The following AKT2 variants were observed in gnomAD, a reference collection of about 807,000 sequenced individuals.
AKT2 encodes the protein RAC-beta serine/threonine-protein kinase.
A neutral mutation model predicts 58.6 loss-of-function variants in AKT2; 16 were observed. The ratio of observed to expected loss-of-function variants is 0.27; its 90% CI spans 0.18 to 0.41. The LOEUF (loss-of-function observed/expected upper bound fraction) is 0.41. Ranked by LOEUF, AKT2 falls within the 10% of genes least tolerant of loss-of-function variation. The pLI is 1.00. For missense variants in AKT2, 438 were observed against 661.0 expected (o/e 0.66, Z 3.70); for synonymous variants, 253 against 254.0 (o/e 1.00, Z 0.04).
At chr19:40,255,032 C>G (rs189288812) in intron 4 of AKT2, 126 bp downstream of exon 4, 1 of 749,942 alleles carries the variant, frequency 1.3e-6, no homozygotes, top group Non-Finnish European at 2.4e-6. Context: ...GAGAGACCCC[C>G]CAACCAGAAG....
chr19:40,235,874 C>A lies in AKT2; in HGVS notation c.1175+16G>T. The stretch of plus-strand genomic sequence containing the variant: ...CAGCTGGCGCTGGGCTGGGTGGGGC[C>A]GACGCCAGCCCTCACCTCTGCTTGG... On this transcript the variant is annotated intron_variant, in intron 11 of 13. Transcript: ENST00000392038. This position sits in a 1 kb window ranked among gnomAD's most constrained non-coding sequence, Gnocchi z 6.3. 6.3e-7 allele frequency: 1 copy of A among 1,596,918 alleles called. No individual in the cohort carries two copies.
Position 40,274,746 on chromosome 19 carries a change from G to A in AKT2, c.-84-9395C>T, listed in dbSNP as rs980545217. The stretch of plus-strand genomic sequence containing the variant: ...GGAGGAGCAGGGCTGAGGCGCGTTC[G>A]AGGCGCCTACAGGAGTGGGTGAAGG... On this transcript the variant is annotated intron_variant, in intron 1 of 13. Coordinates refer to ENST00000392038, the MANE Select transcript of AKT2 (RefSeq NM_001626.6). The A allele has an allele frequency of 3.6e-5, 11 of 302,818 alleles. No homozygotes were observed. In the East Asian group the frequency reaches 7.1e-4, roughly 20 times the overall value. The allele number at this position is 302,818 out of a possible 1,614,324, so 18.8% of individuals were successfully genotyped here.
chr19:40,264,863 G>A (rs1264984440), intron 2 of AKT2, among the ~76,000 whole-genome samples: 1 of 152,200 alleles, frequency 6.6e-6, no homozygotes, highest in Non-Finnish European at 1.5e-5. Flanking sequence ...GTGTCTCGGA[G>A]CCCGGGGCTA....
At chr19:40,282,584 AGGTAGAG>A in intron 1 of AKT2, 1 of 531,120 alleles carries the variant, frequency 1.9e-6, no homozygotes, top group Non-Finnish European at 3.9e-6. Flanking sequence ...TCACCTCTAT[AGGTAGAG>A]GACAGAGGAC....
At position 40,234,004 on chromosome 19, in the gene AKT2, A is replaced by G. The variant is rs1183294054; in HGVS notation, c.1367-53T>C. 3.2e-6 allele frequency: 5 copies of G among 1,558,954 alleles called. No homozygotes were observed. The highest frequency in any genetic ancestry group is 4.4e-6 in the Non-Finnish European group (5 of 1,144,378). ...GACCAGTCAGGAGAGGGCCTGGGACACCTGCCCAGACTCCCTGGGGAAACG... is the reference window on the plus strand; with the variant it reads ...GACCAGTCAGGAGAGGGCCTGGGACGCCTGCCCAGACTCCCTGGGGAAACG... On this transcript the variant is annotated intron_variant, in intron 13 of 13. Transcript: ENST00000392038. The surrounding 1 kb of genome is among the most constrained non-coding windows in gnomAD (Gnocchi z 4.7).
In AKT2 at chr19:40,270,152, C is replaced by A. The variant is rs373345283; in HGVS notation, c.-84-4801G>T. ...CTTTCTTGAGAAGCCTTCCTAACCT[C>A]CCTAGGCAAAGCATGCCCACCCTAC... On this transcript the variant is annotated intron_variant, in intron 1 of 13. Coordinates refer to ENST00000392038, the MANE Select transcript of AKT2 (RefSeq NM_001626.6). Among the ~76,000 whole-genome samples, 8 of 152,334 alleles carry A rather than the reference C, an allele frequency of 5.3e-5. 1 individual carries two copies. Among genetic ancestry groups the A allele is most frequent in the African/African-American group, 1.9e-4 (8 of 41,572 alleles).
Position 40,281,521 on chromosome 19 carries a change from T to A in AKT2, c.-85+3660A>T, listed in dbSNP as rs145126168. ...GAAAAAAAAAAACAAGCACAGAGCC[T>A]GACCTCTGAAAAGACTCCAGTGTGT... is the stretch of plus-strand genomic sequence containing the variant. On this transcript the variant is annotated intron_variant, in intron 1 of 13. Transcript: ENST00000392038. Among the ~76,000 whole-genome samples the A allele has an allele frequency of 1.9e-3, 289 of 151,486 alleles. 2 individuals are homozygous for A. The highest frequency in any genetic ancestry group is 3.1e-3 in the Non-Finnish European group (212 of 67,878).
intron 7 of AKT2, 194 bp downstream of exon 7, chr19:40,239,851 C>T (rs760739218): frequency 6.1e-5 from 44 of 717,884 alleles, no homozygotes; most frequent in Non-Finnish European, 6.8e-5. Context: ...GAAGCTGTCA[C>T]CCTCCCACTC....
At chr19:40,247,065 T>C (rs1015175226) in intron 4 of AKT2, among the ~76,000 whole-genome samples, 2 of 152,180 alleles carry the variant, frequency 1.3e-5, no homozygotes, top group Admixed American at 1.3e-4. Flanking sequence ...TGGGAGTAAC[T>C]GGGGCTCGCC....
chr19:40,253,409 T>G (rs928884015), intron 4 of AKT2, among the ~76,000 whole-genome samples: 1 of 151,526 alleles, frequency 6.6e-6, no homozygotes, highest in Non-Finnish European at 1.5e-5. Context: ...CCTTAATCTA[T>G]AAAGAGCTAA....
intron 1 of AKT2, among the ~76,000 whole-genome samples, chr19:40,266,846 T>C (rs535815374): frequency 3.0e-4 from 45 of 152,310 alleles, no homozygotes; most frequent in African/African-American, 1.0e-3. Flanking sequence ...GCTGTGCACC[T>C]GTAATGTCAG....
At chr19:40,277,114 G>T (rs184245880) in intron 1 of AKT2, among the ~76,000 whole-genome samples, 207 of 152,258 alleles carry the variant, frequency 1.4e-3, no homozygotes, top group African/African-American at 4.6e-3. Flanking sequence ...CACAGCTGGG[G>T]ACAGGGCCAG....
At chr19:40,253,257 G>C (rs1293364671) in intron 4 of AKT2, among the ~76,000 whole-genome samples, 3 of 152,262 alleles carry the variant, frequency 2.0e-5, no homozygotes, top group Non-Finnish European at 4.4e-5. Context: ...AGTTTTCTTG[G>C]ACGGCATGAT....
chr19:40,259,926 G>T (rs1975815270), intron 2 of AKT2, among the ~76,000 whole-genome samples: 1 of 152,128 alleles, frequency 6.6e-6, no homozygotes, highest in Admixed American at 6.5e-5. Context: ...GTCGAGGCAG[G>T]CGGATCACTT....
chr19:40,236,398 T>G lies in AKT2; in HGVS notation c.832-13A>C. The G allele has an allele frequency of 1.9e-6, 3 of 1,614,026 alleles. No homozygotes were observed. Among genetic ancestry groups the G allele is most frequent in the Non-Finnish European group, 1.7e-6 (2 of 1,180,012 alleles). On this transcript the variant is annotated splice_polypyrimidine_tract_variant and intron_variant, in intron 9 of 13. Transcript: ENST00000392038. ...TGAGGTTTTCCAGCTGTTGGAAAAG[T>G]CAACGGATCTCAGGTGCATGCTCCC...
At chr19:40,253,191 T>C (rs562276878) in intron 4 of AKT2, among the ~76,000 whole-genome samples, 67 of 152,250 alleles carry the variant, frequency 4.4e-4, no homozygotes, top group African/African-American at 1.5e-3. Flanking sequence ...GCACAGGCAA[T>C]TGGCACAGGT....
At chr19:40,274,210 G>C (rs892974940) in intron 1 of AKT2, 2 of 152,424 alleles carry the variant, frequency 1.3e-5, no homozygotes, top group African/African-American at 4.8e-5. Flanking sequence ...CCACTGGACT[G>C]TGGGTTCCAC....
chr19:40,281,659 G>C (rs980429516), intron 1 of AKT2, among the ~76,000 whole-genome samples: 9 of 152,218 alleles, frequency 5.9e-5, no homozygotes, highest in Non-Finnish European at 1.3e-4. Flanking sequence ...CTCTGTTTCT[G>C]CATCTGTAAA....
rs1210243851 is a variant in AKT2 at position 40,231,655 on chromosome 19, T to C, written c.*2217A>G. On this transcript the variant is annotated 3_prime_UTR_variant, in exon 14 of 14. Transcript: ENST00000392038. Reference sequence around the variant, plus strand: ...GGCCAGGGCTCTGGTCCCTGGTCCCTTGCTGGGGGAGGTGTTCCATCCGGC... The same window carrying C: ...GGCCAGGGCTCTGGTCCCTGGTCCCCTGCTGGGGGAGGTGTTCCATCCGGC... 2 of 233,306 alleles carry C rather than the reference T, an allele frequency of 8.6e-6. No homozygotes were observed. Among genetic ancestry groups the C allele is most frequent in the African/African-American group, 4.4e-5 (2 of 45,370 alleles). 14.5% of individuals were successfully genotyped at this position (233,306 alleles called of 1,614,324 possible).
Sources: allele counts gnomAD v4.1 joint callset (sites outside exome capture counted in the v4.1 genomes callset), GRCh38; gene constraint gnomAD v4.1.1; non-coding constraint Gnocchi (gnomAD v3.1); transcripts MANE v1.5; gene names NCBI Gene and HGNC (gene_info 2026-07-23, HGNC 2026-07-21).